The following LRRC40 variants were observed in gnomAD, a reference collection of about 807,000 sequenced individuals.
LRRC40 encodes the protein leucine-rich repeat-containing protein 40.
A neutral mutation model predicts 72.8 loss-of-function variants in LRRC40; 76 were observed. That is an observed-to-expected ratio of 1.04 (90% CI 0.87 to 1.26). The LOEUF (loss-of-function observed/expected upper bound fraction) is 1.26, where lower values mean the gene tolerates loss of function less well. Among genes scored for constraint, LRRC40 ranks in the 50% most tolerant of loss-of-function variants. LRRC40 has a pLI of 0.00. For missense variants in LRRC40, 684 were observed against 698.9 expected, an observed-to-expected ratio of 0.98 and a Z score of 0.24; for synonymous variants, 243 against 254.2, an observed-to-expected ratio of 0.96 and a Z score of 0.42.
chr1:70,202,900 A>G (rs1668779962), intron 1 of LRRC40, among the ~76,000 whole-genome samples: 1 of 152,072 alleles, frequency 6.6e-6, no homozygotes, highest in African/African-American at 2.4e-5. Context: ...TGTCATTATT[A>G]TTATTTTAGA....
At chr1:70,160,644 C>T (rs1449970905) in intron 9 of LRRC40, among the ~76,000 whole-genome samples, 1 of 151,996 alleles carries the variant, frequency 6.6e-6, no homozygotes, top group Non-Finnish European at 1.5e-5. Flanking sequence ...ATGTATACTA[C>T]CATGATCGTA....
intron 7 of LRRC40, 78 bp from the exon 8 acceptor site, chr1:70,173,787 T>C (rs530115345): frequency 1.2e-5 from 8 of 684,662 alleles, no homozygotes; most frequent in Middle Eastern, 4.0e-4. Context: ...TAAAACATCA[T>C]ATGGCAAACA....
chr1:70,173,460 A>G lies in LRRC40; in HGVS notation c.1111+5T>C. On this transcript the variant is annotated splice_donor_5th_base_variant and intron_variant, in intron 9 of 14. Transcript: ENST00000370952. Reference sequence around the variant, plus strand: ...TTCAAAATATAAGAGAACATTTTAAAGTACCTTTGATCTTGCTTCGTAGAT... The same window carrying G: ...TTCAAAATATAAGAGAACATTTTAAGGTACCTTTGATCTTGCTTCGTAGAT... The G allele has an allele frequency of 6.3e-7, 1 of 1,589,370 alleles. No individual in the cohort carries two copies. The highest frequency in any genetic ancestry group is 1.1e-5 in the South Asian group (1 of 90,162).
chr1:70,183,423 TGGA>T (rs1174355685), intron 4 of LRRC40, among the ~76,000 whole-genome samples: 3 of 152,012 alleles, frequency 2.0e-5, no homozygotes, highest in Non-Finnish European at 4.4e-5. Context: ...AAAAAAGAGA[TGGA>T]TACACTTTGG....
In LRRC40 at chr1:70,184,873, A is replaced by T; in HGVS notation, c.449T>A (p.Leu150Gln). ...GAGATACAGGCACTTCAGGTTTCTTAGGTTTGTAATTTCTTCAGGGAGTAT... is the reference window on the plus strand; with the variant it reads ...GAGATACAGGCACTTCAGGTTTCTTTGGTTTGTAATTTCTTCAGGGAGTAT... ...LKILPEEITN[L>Q]RNLKCLYLQH... The change falls in exon 4 of 15, where the codon CTA becomes CAA. Residue 150 changes from leucine to glutamine, a missense_variant. Physicochemically the swap from Leu to Gln is moderately radical, Grantham distance 113. Transcript: ENST00000370952. The T allele has an allele frequency of 6.2e-7, 1 of 1,609,954 alleles. No homozygotes were observed. The highest frequency in any genetic ancestry group is 8.5e-7 in the Non-Finnish European group (1 of 1,176,598).
At chr1:70,173,398 T>G in intron 9 of LRRC40, 67 bp downstream of exon 9, 1 of 1,116,794 alleles carries the variant, frequency 9.0e-7, no homozygotes, top group Non-Finnish European at 1.3e-6. Context: ...CATTTAAATT[T>G]ATGTACTATT....
At chr1:70,196,206 T>C (rs1668606864) in intron 1 of LRRC40, among the ~76,000 whole-genome samples, 1 of 152,030 alleles carries the variant, frequency 6.6e-6, no homozygotes, top group Admixed American at 6.6e-5. Context: ...AACAGACTAA[T>C]GGATAAATAA....
chr1:70,186,006 CA>C (rs1186589376), intron 3 of LRRC40, among the ~76,000 whole-genome samples: 2 of 152,094 alleles, frequency 1.3e-5, no homozygotes, highest in Non-Finnish European at 2.9e-5. Context: ...CCCTAAATTA[CA>C]GTAAAATAAA....
chr1:70,183,321 T>C (rs1407377492), intron 4 of LRRC40, among the ~76,000 whole-genome samples: 2 of 152,130 alleles, frequency 1.3e-5, no homozygotes, highest in African/African-American at 2.4e-5. Flanking sequence ...GTAGATATTA[T>C]ATATTAGTAC....
In LRRC40 at chr1:70,205,535, C is replaced by A. The variant is rs765362539; in HGVS notation, c.6G>T (p.Ser2=). The A allele has an allele frequency of 1.3e-6, 2 of 1,594,878 alleles. No homozygotes were observed. The highest frequency in any genetic ancestry group is 1.7e-5 in the Admixed American group (1 of 59,580). The part of the protein sequence containing the change: M[S]RLKRIAGQDL... ...CCTGCCCCGCTATCCGCTTCAGGCG[C>A]GACATGTTCAAAGTCCTAGGTCCAG... The change falls in exon 1 of 15, where the codon TCG becomes TCT. Residue 2 remains serine, a synonymous_variant. Coordinates refer to ENST00000370952, the MANE Select transcript of LRRC40 (RefSeq NM_017768.5).
chr1:70,179,400 A>T (rs1029375187), intron 5 of LRRC40, among the ~76,000 whole-genome samples: 1 of 151,954 alleles, frequency 6.6e-6, no homozygotes, highest in Non-Finnish European at 1.5e-5. Flanking sequence ...GGCAGGAAGA[A>T]TGCTTGAGTC....
At chr1:70,161,347 G>C (rs940685588) in intron 9 of LRRC40, among the ~76,000 whole-genome samples, 1 of 151,906 alleles carries the variant, frequency 6.6e-6, no homozygotes, top group African/African-American at 2.4e-5. Context: ...GCCTCCCAAA[G>C]TGCTGGGATT....
Position 70,145,496 on chromosome 1 carries a change from GAA to G in LRRC40, c.*302_*303del. On this transcript the variant is annotated 3_prime_UTR_variant, in exon 15 of 15. Transcript: ENST00000370952. The stretch of plus-strand genomic sequence containing the variant: ...TTTTTGAAAAAACTGCTTGCTATAA[GAA>G]AATGAAAGTTAGCAGGATAAATCAT... 1 of 180,636 alleles carries G rather than the reference GAA, an allele frequency of 5.5e-6. No homozygotes were observed. The allele number at this position is 180,636 out of a possible 1,614,324, so 11.2% of individuals were successfully genotyped here.
At chr1:70,167,986 A>G (rs1667924170) in intron 9 of LRRC40, among the ~76,000 whole-genome samples, 1 of 152,204 alleles carries the variant, frequency 6.6e-6, no homozygotes, top group South Asian at 2.1e-4. Flanking sequence ...AAATTTTGTA[A>G]GAGGTGAGTC....
At chr1:70,160,394 C>T (rs980574439) in intron 9 of LRRC40, among the ~76,000 whole-genome samples, 3 of 152,050 alleles carry the variant, frequency 2.0e-5, no homozygotes, top group African/African-American at 7.2e-5. Flanking sequence ...GCTTCCCAGG[C>T]AAGTATCATA....
At chr1:70,177,771 A>G (rs1219507042) in intron 6 of LRRC40, among the ~76,000 whole-genome samples, 1 of 152,172 alleles carries the variant, frequency 6.6e-6, no homozygotes, top group Non-Finnish European at 1.5e-5. Flanking sequence ...AACACAGTTG[A>G]TCCTTGAATG....
chr1:70,165,750 T>C (rs1213358811), intron 9 of LRRC40, among the ~76,000 whole-genome samples: 1 of 152,096 alleles, frequency 6.6e-6, no homozygotes. Context: ...GATAATTAAA[T>C]GCAATTCCAC....
chr1:70,169,112 T>C (rs1404262971), intron 9 of LRRC40, among the ~76,000 whole-genome samples: 3 of 152,120 alleles, frequency 2.0e-5, no homozygotes, highest in African/African-American at 4.8e-5. Flanking sequence ...CAGCTAATCA[T>C]AGACAACTCT....
rs537181001 is a variant in LRRC40, at chr1:70,173,512, T to C, written c.1066-2A>G. On this transcript the variant is annotated splice_acceptor_variant, in intron 8 of 14. Coordinates refer to ENST00000370952, the MANE Select transcript of LRRC40 (RefSeq NM_017768.5). LOFTEE classifies it high-confidence loss of function. ...TTTTAGGACTTCTTGTGTTCCTTTCTAGAAGGGTGGAGACAAAGACATTCA... is the reference window on the plus strand; with the variant it reads ...TTTTAGGACTTCTTGTGTTCCTTTCCAGAAGGGTGGAGACAAAGACATTCA... 4.7e-5 allele frequency: 76 copies of C among 1,606,956 alleles called. No individual in the cohort carries two copies. Among genetic ancestry groups the C allele is most frequent in the Non-Finnish European group, 6.4e-5 (75 of 1,174,114 alleles).
Sources: allele counts gnomAD v4.1 joint callset (sites outside exome capture counted in the v4.1 genomes callset), GRCh38; gene constraint gnomAD v4.1.1; transcripts MANE v1.5; gene names NCBI Gene and HGNC (gene_info 2026-07-23, HGNC 2026-07-21).